Variants in GARNL3 observed in about 807,000 individuals in gnomAD.
GARNL3 encodes the protein GTPase activating Rap/RanGAP domain like 3.
Under a neutral mutation model 125.0 loss-of-function variants are expected in GARNL3, and 63 were observed. That is an observed-to-expected ratio of 0.50 (90% CI 0.41 to 0.62). GARNL3 has a LOEUF of 0.62. Ranked by LOEUF, GARNL3 falls within the 20% of genes least tolerant of loss-of-function variation. The probability of loss-of-function intolerance (pLI) is 0.00; values close to 1 mark genes in which losing one functional copy is unlikely to be tolerated. For synonymous variants in GARNL3, 439 were observed against 457.5 expected (o/e 0.96, Z 0.52); for missense variants, 994 against 1,244.0 (o/e 0.80, Z 3.02).
intron 22 of GARNL3, among the ~76,000 whole-genome samples, chr9:127,366,593 TA>T (rs1268127169): frequency 3.3e-5 from 5 of 152,276 alleles, no homozygotes; most frequent in East Asian, 1.9e-4. Flanking sequence ...CAGAGTGTTT[TA>T]AAAACTGATT....
At chr9:127,250,331 A>T (rs577213386) in intron 2 of GARNL3, among the ~76,000 whole-genome samples, 3 of 152,326 alleles carry the variant, frequency 2.0e-5, no homozygotes, top group Non-Finnish European at 4.4e-5. Context: ...TAAAATACAA[A>T]TACATAGATA....
intron 2 of GARNL3, among the ~76,000 whole-genome samples, chr9:127,246,269 A>G (rs1462484524): frequency 6.6e-6 from 1 of 152,228 alleles, no homozygotes; most frequent in Non-Finnish European, 1.5e-5. Flanking sequence ...GAGACCTATC[A>G]GAGCAGAAGA....
rs2063007763 is a variant in GARNL3 at position 127,231,157 on chromosome 9, C to T, written c.-29+6819C>T. ...GCAAGCTCCGCCTTCTGGGTTCATGCCATTCTCCTGCCTCAGCTTCCCTAG... is the reference window on the plus strand; with the variant it reads ...GCAAGCTCCGCCTTCTGGGTTCATGTCATTCTCCTGCCTCAGCTTCCCTAG... On this transcript the variant is annotated intron_variant, in intron 1 of 10. Coordinates refer to the GARNL3 transcript ENST00000439286. Among the ~76,000 whole-genome samples, 3 of 144,868 alleles carry T rather than the reference C, an allele frequency of 2.1e-5. No homozygotes were observed. In the South Asian group the frequency reaches 6.5e-4, roughly 31 times the overall value.
chr9:127,335,386 C>T lies in GARNL3; in HGVS notation c.873+53C>T, dbSNP rs113127015. ...TAGTGATGTGAATGTGGAGAGGGCA[C>T]CATTATGATTCCATAGAATTAGGGG... On this transcript the variant is annotated intron_variant, in intron 10 of 27. Coordinates refer to ENST00000373387, the MANE Select transcript of GARNL3 (RefSeq NM_032293.5). 4.2e-5 allele frequency: 56 copies of T among 1,324,904 alleles called. No individual in the cohort carries two copies. The African/African-American group carries it at 6.8e-4, about 16-fold the overall frequency. The allele number at this position is 1,324,904 out of a possible 1,614,324, so 82.1% of individuals were successfully genotyped here.
intron 4 of GARNL3, among the ~76,000 whole-genome samples, chr9:127,313,906 G>A (rs1288306157): frequency 2.0e-5 from 3 of 152,132 alleles, no homozygotes; most frequent in Non-Finnish European, 4.4e-5. Flanking sequence ...TCTTGTGGTT[G>A]GTATTTGTGC....
intron 8 of GARNL3, 129 bp downstream of exon 8, chr9:127,332,478 C>A: frequency 1.4e-6 from 1 of 737,546 alleles, no homozygotes. Flanking sequence ...TACACAATTT[C>A]AGCGTGAATT....
Position 127,384,274 on chromosome 9 carries a change from A to G in GARNL3, c.2269+729A>G, listed in dbSNP as rs1321722575. ...GGGCTTGAAAGTCATGGCTGGAGGC[A>G]TAGATGTGGTAGGCACAGTCACCAG... On this transcript the variant is annotated intron_variant, in intron 23 of 27. Transcript: ENST00000373387. The surrounding 1 kb of genome is among the most constrained non-coding windows in gnomAD (Gnocchi z 4.0). 6.6e-6 allele frequency among the ~76,000 whole-genome samples: 1 copy of G among 152,188 alleles called. No individual in the cohort carries two copies. Among genetic ancestry groups the G allele is most frequent in the African/African-American group, 2.4e-5 (1 of 41,442 alleles).
intron 15 of GARNL3, 29 bp downstream of exon 15, chr9:127,344,368 G>C (rs543726385): frequency 2.2e-5 from 32 of 1,465,752 alleles, no homozygotes; most frequent in Non-Finnish European, 2.9e-5. Context: ...CCTTTTCTGC[G>C]AGACATGTAG....
intron 1 of GARNL3, among the ~76,000 whole-genome samples, chr9:127,285,107 A>C (rs896202050): frequency 3.3e-5 from 5 of 152,188 alleles, no homozygotes; most frequent in Non-Finnish European, 7.3e-5. Flanking sequence ...AGAATATTTT[A>C]GAAGTTTTTT....
At chr9:127,293,363 CT>C (rs2064484602) in intron 2 of GARNL3, among the ~76,000 whole-genome samples, 1 of 152,178 alleles carries the variant, frequency 6.6e-6, no homozygotes, top group Admixed American at 6.5e-5. Flanking sequence ...TAATTAGACA[CT>C]TATCAGATAT....
At position 127,392,674 on chromosome 9, in the gene GARNL3, T is replaced by A. The variant is rs1422177532; in HGVS notation, c.2871-409T>A. Among the ~76,000 whole-genome samples the A allele has an allele frequency of 6.6e-6, 1 of 151,758 alleles. No homozygotes were observed. The highest frequency in any genetic ancestry group is 1.5e-5 in the Non-Finnish European group (1 of 67,918). On this transcript the variant is annotated intron_variant, in intron 27 of 27. Transcript: ENST00000373387. This position sits in a 1 kb window ranked among gnomAD's most constrained non-coding sequence, Gnocchi z 5.2. ...AATTAATATGCAGCTATTGAGAGAG[T>A]CCTGAGGAGCTGGAGGAAACAGAGG...
At chr9:127,288,586 G>A (rs1364709426) in intron 1 of GARNL3, among the ~76,000 whole-genome samples, 1 of 152,158 alleles carries the variant, frequency 6.6e-6, no homozygotes, top group African/African-American at 2.4e-5. Flanking sequence ...AAACCCATTA[G>A]CATGAGCTCT....
chr9:127,354,034 A>G (rs1830549656), intron 18 of GARNL3, 90 bp downstream of exon 18: 3 of 862,956 alleles, frequency 3.5e-6, no homozygotes, highest in Middle Eastern at 2.6e-4. Flanking sequence ...GTCTGACTGC[A>G]TAAGTTCTGC....
At chr9:127,331,501 A>G (rs1321480697) in intron 7 of GARNL3, among the ~76,000 whole-genome samples, 2 of 147,570 alleles carry the variant, frequency 1.4e-5, no homozygotes, top group Non-Finnish European at 2.9e-5. Context: ...TCAAAAAAAG[A>G]AAGAAAAAAA....
At chr9:127,357,122 T>A in intron 20 of GARNL3, 97 bp from the exon 21 acceptor site, 1 of 1,234,972 alleles carries the variant, frequency 8.1e-7, no homozygotes, top group Admixed American at 1.8e-5. Context: ...CTGGAGAGGG[T>A]GCCTTCTCTG....
intron 2 of GARNL3, among the ~76,000 whole-genome samples, chr9:127,298,834 C>G (rs2064689396): frequency 6.6e-6 from 1 of 152,050 alleles, no homozygotes; most frequent in Admixed American, 6.6e-5. Flanking sequence ...CAAATTCAAC[C>G]ACAAATTTAT....
At chr9:127,339,287 A>G (rs1416651112) in intron 12 of GARNL3, among the ~76,000 whole-genome samples, 1 of 135,994 alleles carries the variant, frequency 7.4e-6, no homozygotes, top group African/African-American at 3.0e-5. Context: ...ACAGAGCGAG[A>G]CTCCGTCTCA....
In GARNL3 at chr9:127,385,458, T is replaced by A. The variant is rs772974219; in HGVS notation, c.2388+313T>A. Among the ~76,000 whole-genome samples the A allele has an allele frequency of 6.6e-5, 10 of 152,206 alleles. No individual in the cohort carries two copies. The highest frequency in any genetic ancestry group is 1.2e-4 in the Non-Finnish European group (8 of 68,032). On this transcript the variant is annotated intron_variant, in intron 24 of 27. Coordinates refer to ENST00000373387, the MANE Select transcript of GARNL3 (RefSeq NM_032293.5). This position sits in a 1 kb window ranked among gnomAD's most constrained non-coding sequence, Gnocchi z 4.1. Reference sequence around the variant, plus strand: ...TCAGTTATTCATGTCACTGCTGCCCTGGAGGACAGTCCAAGTCTAGAAAAG... The same window carrying A: ...TCAGTTATTCATGTCACTGCTGCCCAGGAGGACAGTCCAAGTCTAGAAAAG...
intron 20 of GARNL3, 83 bp downstream of exon 20, chr9:127,355,555 C>T (rs1830644289): frequency 1.4e-5 from 19 of 1,334,902 alleles, no homozygotes; most frequent in Middle Eastern, 1.8e-4. Context: ...GTTTGTTACC[C>T]ACTGAGGTTG....
Sources: allele counts gnomAD v4.1 joint callset (sites outside exome capture counted in the v4.1 genomes callset), GRCh38; gene constraint gnomAD v4.1.1; non-coding constraint Gnocchi (gnomAD v3.1); transcripts MANE v1.5; gene names NCBI Gene and HGNC (gene_info 2026-07-23, HGNC 2026-07-21).